CBFA2T3: variants seen among roughly 807,000 people sequenced by gnomAD.
CBFA2T3 encodes CBFA2/RUNX1 partner transcriptional co-repressor 3.
CBFA2T3 carries 31 observed loss-of-function variants against 58.6 expected under a neutral mutation model. The observed-to-expected ratio is 0.53, with a 90% confidence interval of 0.40 to 0.71. The LOEUF is 0.71. Ranked by LOEUF, CBFA2T3 falls within the 30% of genes least tolerant of loss-of-function variation. CBFA2T3 has a pLI of 0.00. For synonymous variants in CBFA2T3, 531 were observed against 421.9 expected (o/e 1.26, Z -3.17); for missense variants, 1,076 against 963.1 (o/e 1.12, Z -1.55).
intron 1 of CBFA2T3, among the ~76,000 whole-genome samples, chr16:88,942,948 C>T (rs1971793369): frequency 6.6e-6 from 1 of 152,234 alleles, no homozygotes; most frequent in Admixed American, 6.5e-5. Context: ...TGCGAGTCCC[C>T]ATGCGGTGGG....
At chr16:88,880,970 G>A (rs1013840163) in intron 9 of CBFA2T3, 182 bp from the exon 10 acceptor site, 2 of 675,190 alleles carry the variant, frequency 3.0e-6, no homozygotes, top group Non-Finnish European at 5.3e-6. Flanking sequence ...GGGCACGGGG[G>A]GCATTGGAGC....
chr16:88,882,479 G>A (rs901964785), intron 8 of CBFA2T3, among the ~76,000 whole-genome samples, 197 bp downstream of exon 8: 1 of 149,920 alleles, frequency 6.7e-6, no homozygotes, highest in African/African-American at 2.4e-5. Context: ...GGGGGTGGCT[G>A]TGTGTGACTG....
chr16:88,911,860 C>G (rs1320844055), intron 1 of CBFA2T3, among the ~76,000 whole-genome samples: 1 of 151,818 alleles, frequency 6.6e-6, no homozygotes, highest in Non-Finnish European at 1.5e-5. Flanking sequence ...CGGAGAGCCT[C>G]TGGGGCACAG....
chr16:88,891,685 T>C lies in CBFA2T3; in HGVS notation c.711+197A>G, dbSNP rs137989728. On this transcript the variant is annotated intron_variant, in intron 5 of 11. Transcript: ENST00000268679. ...TTAACTAGTAGGAGTCAACCCTGAC[T>C]AGTCAGCAGTGCTCCCCTAGGGTAC... 2.0e-3 allele frequency among the ~76,000 whole-genome samples: 300 copies of C among 152,270 alleles called. 1 individual carries two copies. The highest frequency in any genetic ancestry group is 6.5e-3 in the African/African-American group (270 of 41,566).
intron 1 of CBFA2T3, among the ~76,000 whole-genome samples, chr16:88,905,107 C>T (rs1177016580): frequency 6.6e-6 from 1 of 152,060 alleles, no homozygotes; most frequent in Non-Finnish European, 1.5e-5. Flanking sequence ...TTGGCCAGGA[C>T]CTGTGGAGGG....
chr16:88,900,656 T>C (rs1159599063), intron 2 of CBFA2T3, among the ~76,000 whole-genome samples: 2 of 151,762 alleles, frequency 1.3e-5, no homozygotes, highest in Admixed American at 6.6e-5. Context: ...CATGTGGAGG[T>C]GGTACATGGA....
Position 88,875,073 on chromosome 16 carries a change from G to C in CBFA2T3, c.*1903C>G, listed in dbSNP as rs950777661. On this transcript the variant is annotated 3_prime_UTR_variant, in exon 12 of 12. Coordinates refer to ENST00000268679, the MANE Select transcript of CBFA2T3 (RefSeq NM_005187.6). ...GCCACGCACACAGATGCCAGGCCACGGGCCACGCCACGCGCACAGATGCCA... is the reference window on the plus strand; with the variant it reads ...GCCACGCACACAGATGCCAGGCCACCGGCCACGCCACGCGCACAGATGCCA... The C allele has an allele frequency of 8.5e-6, 2 of 234,884 alleles. No individual in the cohort carries two copies. Among genetic ancestry groups the C allele is most frequent in the Non-Finnish European group, 1.7e-5 (2 of 118,872 alleles). 14.5% of individuals were successfully genotyped at this position (234,884 alleles called of 1,614,324 possible).
At chr16:88,957,983 GT>G (rs1163645135) in intron 1 of CBFA2T3, among the ~76,000 whole-genome samples, 2 of 152,218 alleles carry the variant, frequency 1.3e-5, no homozygotes. Context: ...TGGGTGAGTT[GT>G]AAGATGTGTG....
chr16:88,915,240 A>G (rs867859146), intron 1 of CBFA2T3, among the ~76,000 whole-genome samples: 1 of 10,450 alleles, frequency 9.6e-5, no homozygotes, highest in Non-Finnish European at 1.7e-4. Context: ...GGTGGGGAGG[A>G]GATGGGGCTG....
In CBFA2T3 at chr16:88,885,082, C is replaced by G. The variant is rs1422051526; in HGVS notation, c.1081G>C (p.Asp361His). The G allele has an allele frequency of 1.2e-6, 2 of 1,601,988 alleles. No homozygotes were observed. The highest frequency in any genetic ancestry group is 3.3e-4 in the Middle Eastern group (2 of 6,042). ...TGGCGCTCTCGTAGCTCCCGGGGGT[C>G]TGGGTGGCGGTAGGCATCTCGGAAG... The part of the protein sequence containing the change: ...HHFRDAYRHP[D>H]PRELRERHRP... The change falls in exon 7 of 12, where the codon GAC (aspartate) becomes CAC (histidine). Residue 361 changes from aspartate to histidine, a missense_variant. Physicochemically the swap from Asp to His is moderately conservative, Grantham distance 81. Transcript: ENST00000268679. This position sits in a 1 kb window ranked among gnomAD's most constrained non-coding sequence, Gnocchi z 5.3.
intron 1 of CBFA2T3, among the ~76,000 whole-genome samples, chr16:88,913,274 G>A (rs774949075): frequency 7.2e-5 from 11 of 152,258 alleles, no homozygotes; most frequent in Non-Finnish European, 1.3e-4. Context: ...CCGGCCACTT[G>A]GTGGAGCTGG....
chr16:88,933,687 C>T (rs992557105), intron 1 of CBFA2T3, among the ~76,000 whole-genome samples: 1 of 67,482 alleles, frequency 1.5e-5, no homozygotes, highest in African/African-American at 6.7e-5. Context: ...TGCCTCTATA[C>T]GCCTCACACG....
intron 1 of CBFA2T3, among the ~76,000 whole-genome samples, chr16:88,911,693 G>A (rs1970536585): frequency 6.6e-6 from 1 of 152,272 alleles, no homozygotes; most frequent in African/African-American, 2.4e-5. Context: ...CAGAGCGCCT[G>A]GCCGCTCGCC....
chr16:88,962,528 G>A (rs1046743162), intron 1 of CBFA2T3, among the ~76,000 whole-genome samples: 13 of 152,314 alleles, frequency 8.5e-5, no homozygotes, highest in Admixed American at 2.0e-4. Flanking sequence ...CGTGAGTCCC[G>A]AAGGAGAGGC....
chr16:88,904,732 CG>C (rs1456263263), intron 1 of CBFA2T3, among the ~76,000 whole-genome samples: 2 of 151,252 alleles, frequency 1.3e-5, no homozygotes, highest in African/African-American at 4.9e-5. Flanking sequence ...CCGGATTGTG[CG>C]GGGGCAGCTG....
At chr16:88,917,087 GAAAAAAA>G (rs899227843) in intron 1 of CBFA2T3, among the ~76,000 whole-genome samples, 5 of 151,136 alleles carry the variant, frequency 3.3e-5, no homozygotes, top group East Asian at 1.9e-4. Flanking sequence ...AAAAAAAAAG[GAAAAAAA>G]GAAAAAAGAA....
chr16:88,968,349 G>C lies in CBFA2T3; in HGVS notation c.151+8308C>G, dbSNP rs904705824. Among the ~76,000 whole-genome samples the C allele has an allele frequency of 6.6e-5, 10 of 152,334 alleles. 1 individual carries two copies. The highest frequency in any genetic ancestry group is 2.4e-4 in the African/African-American group (10 of 41,572). On this transcript the variant is annotated intron_variant, in intron 1 of 11. Transcript: ENST00000268679. ...CTGTCTCCCTTCCCACCCGCCGCCCGGAGAGCCCCCCAGGTGGGGACGGCC... is the reference window on the plus strand; with the variant it reads ...CTGTCTCCCTTCCCACCCGCCGCCCCGAGAGCCCCCCAGGTGGGGACGGCC...
At chr16:88,898,309 T>C (rs1280674000) in intron 2 of CBFA2T3, among the ~76,000 whole-genome samples, 157 bp from the exon 3 acceptor site, 1 of 151,992 alleles carries the variant, frequency 6.6e-6, no homozygotes, top group African/African-American at 2.4e-5. Context: ...GGCCGCCTTT[T>C]CTTGCTTCTC....
At chr16:88,924,666 G>A (rs1971029459) in intron 1 of CBFA2T3, among the ~76,000 whole-genome samples, 1 of 152,202 alleles carries the variant, frequency 6.6e-6, no homozygotes, top group Non-Finnish European at 1.5e-5. Context: ...CCCATGGCCG[G>A]GAGCATGAGG....
Sources: allele counts gnomAD v4.1 joint callset (sites outside exome capture counted in the v4.1 genomes callset), GRCh38; gene constraint gnomAD v4.1.1; non-coding constraint Gnocchi (gnomAD v3.1); transcripts MANE v1.5; gene names NCBI Gene and HGNC (gene_info 2026-07-23, HGNC 2026-07-21).